FLNB: variants seen among roughly 807,000 people sequenced by gnomAD.
The protein encoded by FLNB is filamin-B.
Under a neutral mutation model 250.6 loss-of-function variants are expected in FLNB, and 111 were observed. The ratio of observed to expected loss-of-function variants is 0.44; its 90% CI spans 0.38 to 0.52. The LOEUF (loss-of-function observed/expected upper bound fraction) is 0.52. Ranked by LOEUF, FLNB falls within the 20% of genes least tolerant of loss-of-function variation. The pLI is 0.00. For missense variants in FLNB, 2,869 were observed against 3,447.8 expected (o/e 0.83, Z 4.20); for synonymous variants, 1,302 against 1,372.1 (o/e 0.95, Z 1.13).
chr3:58,148,281 T>G lies in FLNB; in HGVS notation c.5804T>G (p.Leu1935Arg). 1 of 1,614,172 alleles carries G rather than the reference T, an allele frequency of 6.2e-7. No homozygotes were observed. The highest frequency in any genetic ancestry group is 8.5e-7 in the Non-Finnish European group (1 of 1,180,022). ...CTGCTCGACATCAGTGAGACTGACC[T>G]CAGCAGCCTGACGGCCAGCATTAAG... ...DFLLDISETD[L>R]SSLTASIKAP... The change falls in exon 35 of 46, where the codon CTC becomes CGC. Residue 1935 changes from leucine (L) to arginine (R), a missense_variant. Transcript: ENST00000295956.
Position 58,143,467 on chromosome 3 carries a change from C to T in FLNB, c.5285-6C>T. 2.5e-6 allele frequency: 4 copies of T among 1,614,110 alleles called. No individual in the cohort carries two copies. Among genetic ancestry groups the T allele is most frequent in the Non-Finnish European group, 3.4e-6 (4 of 1,180,014 alleles). ...CTTCATTGCCCCGTCTCTCTGTGCT[C>T]CATAGGAGAGGTCCACATGCCTTCT... On this transcript the variant is annotated splice_polypyrimidine_tract_variant and splice_region_variant and intron_variant, in intron 31 of 45. Coordinates refer to ENST00000295956, the MANE Select transcript of FLNB (RefSeq NM_001457.4).
At chr3:58,068,046 G>A (rs2097188458) in intron 1 of FLNB, among the ~76,000 whole-genome samples, 1 of 152,220 alleles carries the variant, frequency 6.6e-6, no homozygotes, top group Non-Finnish European at 1.5e-5. Context: ...GCGCTGTCTG[G>A]GCTCCTGGCT....
chr3:58,170,843 C>A lies in FLNB; in HGVS notation c.*81C>A. On this transcript the variant is annotated 3_prime_UTR_variant, in exon 46 of 46. Coordinates refer to ENST00000295956, the MANE Select transcript of FLNB (RefSeq NM_001457.4). ...GTAATTCATTTTATACAAAGCCCTC[C>A]AGCCTGTTTGTGGGGCTGAAACCCC... 1 of 1,358,744 alleles carries A rather than the reference C, an allele frequency of 7.4e-7. No homozygotes were observed. Among genetic ancestry groups the A allele is most frequent in the Non-Finnish European group, 1.0e-6 (1 of 969,374 alleles). The allele number at this position is 1,358,744 out of a possible 1,614,324, so 84.2% of individuals were successfully genotyped here.
At chr3:58,146,135 T>G in intron 33 of FLNB, 86 bp downstream of exon 33, 1 of 1,437,082 alleles carries the variant, frequency 7.0e-7, no homozygotes, top group African/African-American at 1.4e-5. Flanking sequence ...CTTTTAAAAG[T>G]GAGACAATCG....
At chr3:58,090,853 C>T (rs948266435) in intron 4 of FLNB, among the ~76,000 whole-genome samples, 7 of 151,850 alleles carry the variant, frequency 4.6e-5, no homozygotes, top group African/African-American at 1.2e-4. Context: ...GGGCGATGGG[C>T]GGATCATGAG....
intron 1 of FLNB, among the ~76,000 whole-genome samples, chr3:58,067,936 T>G (rs2097188264): frequency 6.6e-6 from 1 of 152,014 alleles, no homozygotes; most frequent in Admixed American, 6.6e-5. Context: ...GAGTGTGGGT[T>G]TTTTCGGTCT....
At chr3:58,125,975 T>C (rs534741269) in intron 23 of FLNB, among the ~76,000 whole-genome samples, 5 of 152,380 alleles carry the variant, frequency 3.3e-5, no homozygotes, top group African/African-American at 1.2e-4. Flanking sequence ...TCAAGCTCTA[T>C]AACTTGATAA....
intron 1 of FLNB, among the ~76,000 whole-genome samples, chr3:58,060,918 A>G (rs1293597338): frequency 6.6e-6 from 1 of 152,130 alleles, no homozygotes. Flanking sequence ...TGGAAATGGC[A>G]AAGTCCATCT....
At chr3:58,138,599 C>G in intron 29 of FLNB, 70 bp downstream of exon 29, 1 of 1,590,712 alleles carries the variant, frequency 6.3e-7, no homozygotes, top group Non-Finnish European at 8.6e-7. Flanking sequence ...TTTGTTGAAC[C>G]CTGACTAGGA....
intron 1 of FLNB, among the ~76,000 whole-genome samples, chr3:58,075,416 T>C (rs145838129): frequency 5.9e-5 from 9 of 152,150 alleles, no homozygotes; most frequent in African/African-American, 2.2e-4. Flanking sequence ...ATCAAAGGGA[T>C]AGAGAACATG....
chr3:58,110,236 C>T, intron 16 of FLNB, 66 bp downstream of exon 16: 2 of 1,474,356 alleles, frequency 1.4e-6, no homozygotes, highest in Non-Finnish European at 1.9e-6. Context: ...CACTTGTGTG[C>T]ATGTCTCATC....
At chr3:58,148,177 G>A (rs1031248715) in intron 34 of FLNB, 29 bp from the exon 35 acceptor site, 25 of 1,613,632 alleles carry the variant, frequency 1.5e-5, no homozygotes, top group Non-Finnish European at 1.7e-5. Context: ...CACATGTAAC[G>A]GGAGTCCTTT....
At chr3:58,027,389 C>T (rs1007910139) in intron 1 of FLNB, among the ~76,000 whole-genome samples, 10 of 152,222 alleles carry the variant, frequency 6.6e-5, no homozygotes, top group African/African-American at 2.4e-4. Context: ...GGTCCGCCTG[C>T]CTCAGCCTCC....
chr3:58,041,939 T>C (rs899699935), intron 1 of FLNB, among the ~76,000 whole-genome samples: 2 of 152,200 alleles, frequency 1.3e-5, no homozygotes, highest in Non-Finnish European at 2.9e-5. Context: ...GTGCCCTCTT[T>C]GCTTTCTTTT....
chr3:58,138,312 G>A lies in FLNB; in HGVS notation c.4892G>A (p.Gly1631Asp). 1 of 1,614,162 alleles carries A rather than the reference G, an allele frequency of 6.2e-7. No homozygotes were observed. Among genetic ancestry groups the A allele is most frequent in the Admixed American group, 1.7e-5 (1 of 60,030 alleles). ...GPGIASTVKT[G>D]EEVGFVVDAK... Reference sequence around the variant, plus strand: ...GGAATCGCCTCCACTGTGAAAACTGGCGAAGAAGTAGGCTTTGTGGTTGAT... The same window carrying A: ...GGAATCGCCTCCACTGTGAAAACTGACGAAGAAGTAGGCTTTGTGGTTGAT... Residue 1631 changes from glycine (G) to aspartate (D), a missense_variant, in exon 29 of 46, where the codon GGC (glycine) becomes GAC (aspartate). Physicochemically the swap from Gly to Asp is moderately conservative, Grantham distance 94. Coordinates refer to ENST00000295956, the MANE Select transcript of FLNB (RefSeq NM_001457.4).
chr3:58,038,150 C>G (rs558402619), intron 1 of FLNB, among the ~76,000 whole-genome samples: 1 of 152,198 alleles, frequency 6.6e-6, no homozygotes, highest in East Asian at 1.9e-4. Context: ...CTGCCTCAGC[C>G]TCCCGAGTAG....
intron 26 of FLNB, 152 bp from the exon 27 acceptor site, chr3:58,134,464 T>G: frequency 1.1e-6 from 1 of 892,058 alleles, no homozygotes. Flanking sequence ...GTTGTAAATT[T>G]CTGCTAGACT....
rs778768277 is a variant in FLNB at position 58,154,931 on chromosome 3, A to G, written c.6772+3A>G. On this transcript the variant is annotated splice_donor_region_variant and intron_variant, in intron 40 of 45. Transcript: ENST00000295956. ...ATCTTATATTGCCCAAGAGCCTGGT[A>G]TGTATTCAGGGTTCACAAGAGGACA... 1.1e-5 allele frequency: 18 copies of G among 1,613,320 alleles called. No homozygotes were observed. The East Asian group carries it at 2.0e-4, about 18-fold the overall frequency.
At chr3:58,071,274 CTTT>C (rs57488190) in intron 1 of FLNB, among the ~76,000 whole-genome samples, 1,649 of 81,650 alleles carry the variant, frequency 0.02, 26 homozygotes, top group African/African-American at 0.091. Flanking sequence ...CTCCTCGATT[CTTT>C]TTTTTTTTTT....
Sources: gnomAD v4.1 joint callset for allele counts (sites outside exome capture counted in the v4.1 genomes callset) on GRCh38, gnomAD v4.1.1 for gene constraint, MANE v1.5 for transcripts, NCBI Gene and HGNC (gene_info 2026-07-23, HGNC 2026-07-21) for gene names.